The following NRXN3 variants were observed in gnomAD, a reference collection of about 807,000 sequenced individuals.
NRXN3 encodes neurexin 3.
Under a neutral mutation model 137.6 loss-of-function variants are expected in NRXN3, and 32 were observed. The ratio of observed to expected loss-of-function variants is 0.23; its 90% CI spans 0.18 to 0.31. The LOEUF (loss-of-function observed/expected upper bound fraction) is 0.31. Ranked by LOEUF, NRXN3 falls within the 10% of genes least tolerant of loss-of-function variation. The pLI is 1.00. For synonymous variants in NRXN3, 798 were observed against 784.5 expected (o/e 1.02, Z -0.29); for missense variants, 1,574 against 2,062.5 (o/e 0.76, Z 4.59).
At chr14:79,333,810 C>T (rs1485539796) in intron 15 of NRXN3, among the ~76,000 whole-genome samples, 2 of 152,176 alleles carry the variant, frequency 1.3e-5, no homozygotes, top group East Asian at 1.9e-4. Context: ...TTCAGATATC[C>T]TTGTGCAGTG....
intron 2 of NRXN3, among the ~76,000 whole-genome samples, chr14:78,250,941 C>G (rs1327641326): frequency 6.7e-6 from 1 of 149,868 alleles, no homozygotes; most frequent in Admixed American, 6.6e-5. Context: ...TTTGTTCCTT[C>G]TAGCCAGAGA....
intron 10 of NRXN3, among the ~76,000 whole-genome samples, chr14:78,912,071 G>A (rs559206006): frequency 1.3e-5 from 2 of 150,502 alleles, no homozygotes; most frequent in South Asian, 2.1e-4. Flanking sequence ...CCCTCCCCCT[G>A]CCCCCCATCC....
intron 7 of NRXN3, among the ~76,000 whole-genome samples, chr14:78,712,531 C>T (rs554792975): frequency 6.6e-6 from 1 of 152,204 alleles, no homozygotes; most frequent in African/African-American, 2.4e-5. Flanking sequence ...GTTGACTTTG[C>T]ACTTTATTTA....
intron 15 of NRXN3, among the ~76,000 whole-genome samples, chr14:78,988,742 AG>A (rs1303762605): frequency 6.6e-6 from 1 of 150,862 alleles, no homozygotes; most frequent in Admixed American, 6.6e-5. Flanking sequence ...ATATACACAT[AG>A]CTATTCTGTA....
At chr14:79,625,375 G>A (rs2098271367) in intron 16 of NRXN3, among the ~76,000 whole-genome samples, 1 of 152,164 alleles carries the variant, frequency 6.6e-6, no homozygotes, top group South Asian at 2.1e-4. Flanking sequence ...ATCAGGGGAT[G>A]TTTGGGTTGT....
chr14:78,984,163 A>G (rs1476743483), intron 14 of NRXN3, among the ~76,000 whole-genome samples: 1 of 152,188 alleles, frequency 6.6e-6, no homozygotes, highest in Non-Finnish European at 1.5e-5. Context: ...TAGAATGGTG[A>G]CTACAGCAAA....
intron 20 of NRXN3, among the ~76,000 whole-genome samples, chr14:79,846,545 C>G (rs906087990): frequency 2.0e-5 from 3 of 152,182 alleles, no homozygotes; most frequent in African/African-American, 7.2e-5. Flanking sequence ...TTACAGAAGA[C>G]AGTATTACAT....
chr14:78,222,245 T>C (rs556773802), intron 1 of NRXN3, among the ~76,000 whole-genome samples: 1 of 152,064 alleles, frequency 6.6e-6, no homozygotes, highest in African/African-American at 2.4e-5. Flanking sequence ...AAAGAGGCAT[T>C]GGGAGGCAGT....
chr14:79,424,868 C>T (rs1490438707), intron 15 of NRXN3, among the ~76,000 whole-genome samples: 2 of 152,112 alleles, frequency 1.3e-5, no homozygotes, highest in Non-Finnish European at 2.9e-5. Flanking sequence ...AGGCAGGGTC[C>T]TGACTTTCTT....
chr14:78,278,561 G>C, intron 2 of NRXN3, 84 bp from the exon 3 acceptor site: 1 of 988,002 alleles, frequency 1.0e-6, no homozygotes, highest in Non-Finnish European at 1.5e-6. Flanking sequence ...CATTGTGTGT[G>C]TGTGTGCTGC....
At chr14:79,318,748 C>T (rs1297443011) in intron 15 of NRXN3, among the ~76,000 whole-genome samples, 1 of 152,136 alleles carries the variant, frequency 6.6e-6, no homozygotes, top group Non-Finnish European at 1.5e-5. Context: ...TGAATAATCA[C>T]TGGGCATTAT....
At chr14:78,400,016 A>G (rs1362373813) in intron 4 of NRXN3, among the ~76,000 whole-genome samples, 1 of 152,228 alleles carries the variant, frequency 6.6e-6, no homozygotes, top group African/African-American at 2.4e-5. Flanking sequence ...ATCTATTGTA[A>G]CAGAAAATAA....
At chr14:79,426,774 G>A (rs2095660421) in intron 15 of NRXN3, among the ~76,000 whole-genome samples, 1 of 152,168 alleles carries the variant, frequency 6.6e-6, no homozygotes. Context: ...GAAGTTGCTG[G>A]AAGCAAGAGA....
In NRXN3 at chr14:78,624,605, A is replaced by G. The variant is rs530649174; in HGVS notation, c.758-20515A>G. Reference sequence around the variant, plus strand: ...GGCTCACACAGCCTTTCCAGAAGAGAATTGCAGGACCAAGCAAGGTGAACT... The same window carrying G: ...GGCTCACACAGCCTTTCCAGAAGAGGATTGCAGGACCAAGCAAGGTGAACT... On this transcript the variant is annotated intron_variant, in intron 4 of 20. Coordinates refer to ENST00000335750, the MANE Select transcript of NRXN3 (RefSeq NM_001330195.2). 5.3e-5 allele frequency among the ~76,000 whole-genome samples: 8 copies of G among 152,238 alleles called. No individual in the cohort carries two copies. The South Asian group carries it at 1.7e-3, about 32-fold the overall frequency.
chr14:79,317,445 A>G (rs2089049055), intron 15 of NRXN3, among the ~76,000 whole-genome samples: 1 of 152,152 alleles, frequency 6.6e-6, no homozygotes, highest in Admixed American at 6.5e-5. Flanking sequence ...TAAGGATGCA[A>G]GTCATATTGG....
At chr14:78,891,182 T>C (rs31392) in intron 10 of NRXN3, among the ~76,000 whole-genome samples, 147,220 of 151,956 alleles carry the variant, frequency 0.97, 71,349 homozygotes, top group East Asian at 1. Context: ...GATACAATAG[T>C]GCACCAGTGG....
chr14:79,343,610 T>G lies in NRXN3; in HGVS notation c.3263-123611T>G, dbSNP rs148321123. Among the ~76,000 whole-genome samples, 1,027 of 152,292 alleles carry G rather than the reference T, an allele frequency of 6.7e-3. 10 individuals carry two copies. The highest frequency in any genetic ancestry group is 0.024 in the African/African-American group (993 of 41,550). On this transcript the variant is annotated intron_variant, in intron 15 of 20. Transcript: ENST00000335750. ...ATGACCTACCAAGGCTAGATCCTTG[T>G]GTACCTCTCAAATGTTGGCCAACAA...
At chr14:78,202,670 A>G (rs551372746) in intron 1 of NRXN3, among the ~76,000 whole-genome samples, 1 of 152,274 alleles carries the variant, frequency 6.6e-6, no homozygotes, top group Admixed American at 6.5e-5. Context: ...CCAACCCCTC[A>G]CTGACACCCT....
chr14:78,624,707 C>G (rs61976100), intron 4 of NRXN3, among the ~76,000 whole-genome samples: 7,610 of 152,248 alleles, frequency 0.05, 255 homozygotes, highest in Middle Eastern at 0.15. Flanking sequence ...GGGGAAGAGA[C>G]CTCGCCTGGG....
Sources: allele counts gnomAD v4.1 joint callset (sites outside exome capture counted in the v4.1 genomes callset), GRCh38; gene constraint gnomAD v4.1.1; transcripts MANE v1.5; gene names NCBI Gene and HGNC (gene_info 2026-07-23, HGNC 2026-07-21).